Variants in RSRC1 observed in about 807,000 individuals in gnomAD.
RSRC1 encodes arginine and serine rich coiled-coil 1, also known as serine/Arginine-related protein 53.
RSRC1 carries 39 observed loss-of-function variants against 49.1 expected under a neutral mutation model. The ratio of observed to expected loss-of-function variants is 0.79; its 90% CI spans 0.61 to 1.04. The LOEUF (loss-of-function observed/expected upper bound fraction) is 1.04, where lower values mean the gene tolerates loss of function less well. RSRC1 is among the 50% of genes least tolerant of loss of function. RSRC1 has a pLI of 0.00. For synonymous variants in RSRC1, 143 were observed against 130.8 expected (o/e 1.09, Z -0.63); for missense variants, 388 against 402.4 (o/e 0.96, Z 0.31).
At position 158,317,582 on chromosome 3, in the gene RSRC1, A is replaced by G. The variant is rs541327245; in HGVS notation, c.531+19507A>G. ...AAACATTTTATTTTATTTGTGAGAC[A>G]GAGTCTCACTCTGTCACCCATGCAG... On this transcript the variant is annotated intron_variant, in intron 5 of 9. Transcript: ENST00000611884. Among the ~76,000 whole-genome samples, 25 of 151,026 alleles carry G rather than the reference A, an allele frequency of 1.7e-4. No individual in the cohort carries two copies. In the South Asian group the frequency reaches 5.2e-3, roughly 32 times the overall value.
intron 3 of RSRC1, among the ~76,000 whole-genome samples, chr3:158,171,811 C>T (rs946290822): frequency 4.2e-4 from 64 of 151,962 alleles, no homozygotes; most frequent in African/African-American, 1.3e-3. Flanking sequence ...TTCAGCCAGG[C>T]GTCATTGTGC....
chr3:158,365,948 C>T lies in RSRC1; in HGVS notation c.583+11040C>T, dbSNP rs1256638389. Reference sequence around the variant, plus strand: ...TGTTTGTTGGCCACATAAATGTCTTCTTTTGAGAAGTGTCTGTTCATATCC... The same window carrying T: ...TGTTTGTTGGCCACATAAATGTCTTTTTTTGAGAAGTGTCTGTTCATATCC... On this transcript the variant is annotated intron_variant, in intron 6 of 9. Transcript: ENST00000611884. Among the ~76,000 whole-genome samples the T allele has an allele frequency of 2.6e-5, 4 of 152,088 alleles. 1 individual carries two copies. The highest frequency in any genetic ancestry group is 9.7e-5 in the African/African-American group (4 of 41,410).
chr3:158,316,140 C>G (rs1029511866), intron 5 of RSRC1, among the ~76,000 whole-genome samples: 20 of 151,458 alleles, frequency 1.3e-4, no homozygotes, highest in African/African-American at 4.4e-4. Context: ...CCACAGCACG[C>G]CAGCCTGGAC....
intron 7 of RSRC1, among the ~76,000 whole-genome samples, chr3:158,472,108 C>T (rs1578520355): frequency 1.3e-5 from 2 of 151,984 alleles, no homozygotes; most frequent in South Asian, 4.2e-4. Context: ...TTTAATTATA[C>T]CCAGCCCTTG....
intron 3 of RSRC1, among the ~76,000 whole-genome samples, chr3:158,131,383 A>G (rs1237745183): frequency 6.6e-6 from 1 of 151,630 alleles, no homozygotes; most frequent in Non-Finnish European, 1.5e-5. Context: ...GTTGTCACTT[A>G]TCTCTTGATT....
At chr3:158,356,210 A>C (rs1731149698) in intron 6 of RSRC1, among the ~76,000 whole-genome samples, 1 of 152,082 alleles carries the variant, frequency 6.6e-6, no homozygotes, top group Non-Finnish European at 1.5e-5. Context: ...AAGAGCTCAT[A>C]ATTTCAAGCT....
chr3:158,477,805 T>C (rs1238304437), intron 7 of RSRC1, among the ~76,000 whole-genome samples: 1 of 83,294 alleles, frequency 1.2e-5, no homozygotes, highest in Non-Finnish European at 2.9e-5. Flanking sequence ...GATTTATATA[T>C]ATATATATAT....
At chr3:158,445,705 A>G (rs780996084) in intron 6 of RSRC1, among the ~76,000 whole-genome samples, 3 of 152,268 alleles carry the variant, frequency 2.0e-5, no homozygotes, top group Admixed American at 6.5e-5. Context: ...CCAAGTACCA[A>G]TTAAACATTT....
chr3:158,366,367 C>G (rs1731769108), intron 6 of RSRC1, among the ~76,000 whole-genome samples: 1 of 152,186 alleles, frequency 6.6e-6, no homozygotes, highest in Non-Finnish European at 1.5e-5. Flanking sequence ...CTGCATATGG[C>G]TAGCCAGTTT....
At chr3:158,355,209 G>T (rs571697064) in intron 6 of RSRC1, among the ~76,000 whole-genome samples, 1 of 151,494 alleles carries the variant, frequency 6.6e-6, no homozygotes, top group Non-Finnish European at 1.5e-5. Context: ...CTATGGTTTT[G>T]GTGATGTGTT....
intron 7 of RSRC1, among the ~76,000 whole-genome samples, chr3:158,472,643 T>C (rs1490957901): frequency 6.6e-6 from 1 of 152,192 alleles, no homozygotes; most frequent in South Asian, 2.1e-4. Context: ...TGTCTTCTTT[T>C]GAGAAGTGTC....
intron 4 of RSRC1, among the ~76,000 whole-genome samples, chr3:158,212,326 A>C (rs1389336007): frequency 6.6e-6 from 1 of 151,730 alleles, no homozygotes; most frequent in Non-Finnish European, 1.5e-5. Context: ...GTGCGTGTGC[A>C]TTCACATACA....
chr3:158,370,534 C>G (rs1258295811), intron 6 of RSRC1, among the ~76,000 whole-genome samples: 3 of 151,750 alleles, frequency 2.0e-5, no homozygotes, highest in African/African-American at 7.3e-5. Context: ...TGTCTGTAGT[C>G]TTTCACTTGG....
At chr3:158,437,844 AG>A (rs750842691) in intron 6 of RSRC1, among the ~76,000 whole-genome samples, 9 of 152,152 alleles carry the variant, frequency 5.9e-5, no homozygotes, top group Non-Finnish European at 1.3e-4. Context: ...AAAGAAATAA[AG>A]GGTATTCAAT....
At position 158,166,236 on chromosome 3, in the gene RSRC1, C is replaced by A. The variant is rs541823385; in HGVS notation, c.321-36836C>A. ...GCTTTTATCGAAATAATTTAGAAAT[C>A]TTTGAATGTCAATTTTAAATAGTGT... On this transcript the variant is annotated intron_variant, in intron 3 of 9. Transcript: ENST00000611884. 2.0e-4 allele frequency among the ~76,000 whole-genome samples: 31 copies of A among 152,190 alleles called. No individual in the cohort carries two copies. The East Asian group carries it at 4.4e-3, about 22-fold the overall frequency.
At chr3:158,435,110 G>A (rs1735978982) in intron 6 of RSRC1, among the ~76,000 whole-genome samples, 1 of 151,888 alleles carries the variant, frequency 6.6e-6, no homozygotes, top group African/African-American at 2.4e-5. Context: ...GTAATGTTGT[G>A]TAATGCTAGA....
intron 4 of RSRC1, among the ~76,000 whole-genome samples, chr3:158,261,381 A>G (rs765501076): frequency 9.9e-5 from 15 of 152,150 alleles, no homozygotes; most frequent in Non-Finnish European, 1.8e-4. Context: ...ACATGTTTCC[A>G]TCTTCTTATT....
At chr3:158,298,119 T>A (rs1559982081) in intron 5 of RSRC1, 44 bp downstream of exon 5, 5 of 1,404,116 alleles carry the variant, frequency 3.6e-6, no homozygotes, top group Non-Finnish European at 5.0e-6. Flanking sequence ...ATCTTTGATA[T>A]CTGCATTCTA....
chr3:158,498,728 T>C (rs955742127), intron 7 of RSRC1, among the ~76,000 whole-genome samples: 7 of 152,234 alleles, frequency 4.6e-5, no homozygotes, highest in African/African-American at 1.7e-4. Flanking sequence ...CCTTAATCCA[T>C]CTTGAGTTGA....
Sources: allele counts gnomAD v4.1 joint callset (sites outside exome capture counted in the v4.1 genomes callset), GRCh38; gene constraint gnomAD v4.1.1; transcripts MANE v1.5; gene names NCBI Gene and HGNC (gene_info 2026-07-23, HGNC 2026-07-21).